Variants in ZNF529 observed in about 807,000 individuals in gnomAD.
ZNF529 encodes zinc finger protein 529.
Under a neutral mutation model 10.1 loss-of-function variants are expected in ZNF529, and 11 were observed. The observed-to-expected ratio is 1.09, with a 90% CI of 0.69 to 1.81. The LOEUF is 1.81. Ranked by LOEUF, ZNF529 falls within the 40% of genes most tolerant of loss-of-function variation. The probability of loss-of-function intolerance (pLI) is 0.00; values close to 1 mark genes in which losing one functional copy is unlikely to be tolerated. For missense variants in ZNF529, 624 were observed against 666.8 expected (o/e 0.94, Z 0.71); for synonymous variants, 204 against 215.7 (o/e 0.95, Z 0.47).
intron 2 of ZNF529, among the ~76,000 whole-genome samples, chr19:36,561,596 G>A (rs1309051695): frequency 6.6e-6 from 1 of 152,104 alleles, no homozygotes; most frequent in Non-Finnish European, 1.5e-5. Context: ...ACTGCAGACA[G>A]TCCCCCCTAG....
At chr19:36,579,939 TCTTCA>T (rs1280526191) in intron 2 of ZNF529, among the ~76,000 whole-genome samples, 3 of 152,208 alleles carry the variant, frequency 2.0e-5, no homozygotes, top group African/African-American at 7.2e-5. Context: ...TTGTAGTGAC[TCTTCA>T]CTTAAAACGC....
At position 36,543,904 on chromosome 19, in the gene ZNF529, AG is replaced by A. The variant is rs35994849; in HGVS notation, c.*2961del. ...TTGGAGTTGGGGTGGGGGGTGGCGC[AG>A]GGGTTATATAACTCCAGAAATCTCA... On this transcript the variant is annotated 3_prime_UTR_variant, in exon 5 of 5. Transcript: ENST00000591340. 1 of 152,236 alleles carries A rather than the reference AG, an allele frequency of 6.6e-6. No homozygotes were observed. Among genetic ancestry groups the A allele is most frequent in the South Asian group, 2.1e-4 (1 of 4,820 alleles). 9.4% of individuals were successfully genotyped at this position (152,236 alleles called of 1,614,324 possible).
intron 4 of ZNF529, 39 bp downstream of exon 4, chr19:36,554,631 G>C (rs1350690660): frequency 6.7e-7 from 1 of 1,483,956 alleles, no homozygotes; most frequent in Non-Finnish European, 9.0e-7. Context: ...TGATAGTCTA[G>C]AGAGTATATT....
chr19:36,547,897 G>A lies in ZNF529; in HGVS notation c.661C>T (p.His221Tyr). Residue 221 changes from histidine to tyrosine, a missense_variant, in exon 5 of 5, where the codon CAT becomes TAT. Transcript: ENST00000591340. ...TATTTACAAGGTTTCACACCAGTAT[G>A]AATATTCAGTTGTAACATACTGGAG... ...DNSSMLQLNI[H>Y]TGVKPCKYME... The A allele has an allele frequency of 6.2e-7, 1 of 1,612,534 alleles. No individual in the cohort carries two copies. The highest frequency in any genetic ancestry group is 8.5e-7 in the Non-Finnish European group (1 of 1,179,080).
chr19:36,605,380 G>A (rs892462764), upstream of ZNF529: 11 of 152,796 alleles, frequency 7.2e-5, no homozygotes, highest in South Asian at 4.1e-4. Flanking sequence ...AGGCCAAGGA[G>A]GGCACTGGGA....
intron 1 of ZNF529, among the ~76,000 whole-genome samples, chr19:36,595,166 C>A (rs934322988): frequency 2.6e-5 from 4 of 152,136 alleles, no homozygotes; most frequent in Non-Finnish European, 5.9e-5. Flanking sequence ...CGTGAGCCAC[C>A]ATGCCCGGCC....
intron 2 of ZNF529, among the ~76,000 whole-genome samples, chr19:36,586,077 T>C (rs2036573211): frequency 6.6e-6 from 1 of 152,234 alleles, no homozygotes; most frequent in Non-Finnish European, 1.5e-5. Flanking sequence ...ATCCTGACTA[T>C]AAAACATTAT....
At position 36,598,197 on chromosome 19, in the gene ZNF529, A is replaced by G. The variant is rs186604171; in HGVS notation, c.-128+6929T>C. Among the ~76,000 whole-genome samples the G allele has an allele frequency of 1.7e-3, 266 of 152,198 alleles. 1 individual carries two copies. The highest frequency in any genetic ancestry group is 2.4e-3 in the Non-Finnish European group (160 of 67,994). On this transcript the variant is annotated intron_variant, in intron 1 of 4. Transcript: ENST00000585960. ...TTAGCATTGCTTCTCTGTATTCTCT[A>G]TGGTTTTCTTTTCATTTAAGACTAC...
chr19:36,556,953 G>C (rs1156499845), intron 2 of ZNF529, among the ~76,000 whole-genome samples: 1 of 152,204 alleles, frequency 6.6e-6, no homozygotes, highest in Non-Finnish European at 1.5e-5. Flanking sequence ...AGGTTGATTA[G>C]AGATGTATAT....
In ZNF529 at chr19:36,547,377, T is replaced by C. The variant is rs1435991465; in HGVS notation, c.1181A>G (p.Tyr394Cys). The C allele has an allele frequency of 1.8e-5, 29 of 1,613,982 alleles. No homozygotes were observed. The highest frequency in any genetic ancestry group is 3.3e-5 in the South Asian group (3 of 91,082). Residue 394 changes from tyrosine to cysteine, a missense_variant, in exon 5 of 5, where the codon TAT becomes TGT. Physicochemically the swap from Tyr to Cys is radical, Grantham distance 194. Transcript: ENST00000591340. ...HQRIHTGKKP[Y>C]ECKACGKVFR... is the part of the protein sequence containing the mutation. ...GACCTTTCCACATGCTTTGCATTCA[T>C]AGGGTTTCTTACCAGTATGAATTCT...
intron 1 of ZNF529, among the ~76,000 whole-genome samples, chr19:36,601,149 C>T (rs2036916823): frequency 6.6e-6 from 1 of 151,584 alleles, no homozygotes; most frequent in South Asian, 2.1e-4. Flanking sequence ...CTGTTGGAAC[C>T]TTCATCCTAT....
rs2035025047 is a variant in ZNF529 at position 36,546,449 on chromosome 19, T to C, written c.*417A>G. On this transcript the variant is annotated 3_prime_UTR_variant, in exon 5 of 5. Coordinates refer to ENST00000591340, the MANE Select transcript of ZNF529 (RefSeq NM_020951.5). ...TGAGCTGTAAGACTGTAAAAATACA[T>C]TGTATCTGACTAGGAGTGCTAACTC... 6.4e-6 allele frequency: 1 copy of C among 156,216 alleles called. No homozygotes were observed. Among genetic ancestry groups the C allele is most frequent in the Admixed American group, 6.4e-5 (1 of 15,728 alleles). The allele number at this position is 156,216 out of a possible 1,614,324, so 9.7% of individuals were successfully genotyped here.
intron 4 of ZNF529, among the ~76,000 whole-genome samples, chr19:36,552,889 A>AG (rs1355398021): frequency 1.2e-4 from 18 of 152,220 alleles, no homozygotes; most frequent in African/African-American, 4.3e-4. Flanking sequence ...GAGACTAGAC[A>AG]GGTAAAGAAA....
At chr19:36,563,693 A>G (rs930358282) in intron 2 of ZNF529, among the ~76,000 whole-genome samples, 1 of 152,214 alleles carries the variant, frequency 6.6e-6, no homozygotes, top group Non-Finnish European at 1.5e-5. Context: ...TAAAATGGCC[A>G]TACTGCCCAA....
At chr19:36,597,871 A>G (rs1444923994) in intron 1 of ZNF529, among the ~76,000 whole-genome samples, 1 of 152,226 alleles carries the variant, frequency 6.6e-6, no homozygotes, top group Non-Finnish European at 1.5e-5. Flanking sequence ...AAGGAGAGGT[A>G]CATGAAGGAA....
chr19:36,551,254 G>A (rs1323794927), intron 4 of ZNF529, among the ~76,000 whole-genome samples: 1 of 152,152 alleles, frequency 6.6e-6, no homozygotes, highest in African/African-American at 2.4e-5. Flanking sequence ...CCAGAAAAAT[G>A]CACTCATATC....
intron 2 of ZNF529, among the ~76,000 whole-genome samples, chr19:36,588,062 C>T (rs2036620570): frequency 6.6e-6 from 1 of 152,052 alleles, no homozygotes; most frequent in South Asian, 2.1e-4. Context: ...GCAGGAGACT[C>T]GCTTGAACCC....
upstream of ZNF529, chr19:36,578,047 AGT>A (rs1251726598): frequency 1.4e-5 from 2 of 144,472 alleles, no homozygotes; most frequent in Non-Finnish European, 3.0e-5. Context: ...AAGAACAAAG[AGT>A]GTGGGGGAGA....
upstream of ZNF529, among the ~76,000 whole-genome samples, chr19:36,578,205 C>T (rs1049170790): frequency 5.6e-5 from 8 of 143,050 alleles, no homozygotes; most frequent in Middle Eastern, 0.013. Flanking sequence ...GCTGGGACTA[C>T]AGGCCTGCGC....
Sources: allele counts gnomAD v4.1 joint callset (sites outside exome capture counted in the v4.1 genomes callset), GRCh38; gene constraint gnomAD v4.1.1; transcripts MANE v1.5; gene names NCBI Gene and HGNC (gene_info 2026-07-23, HGNC 2026-07-21).